TRIM2: variants seen among roughly 807,000 people sequenced by gnomAD.
The protein encoded by TRIM2 is tripartite motif containing 2, also known as tripartite motif-containing protein 2.
In TRIM2, 20 loss-of-function variants were observed where a neutral mutation model predicts 75.2. That is an observed-to-expected ratio of 0.27 (90% confidence interval 0.19 to 0.39). TRIM2 has a LOEUF of 0.39. TRIM2 is among the 10% of genes least tolerant of loss of function. The pLI is 1.00. For missense variants in TRIM2, 660 were observed against 990.8 expected (o/e 0.67, Z 4.48); for synonymous variants, 373 against 388.3 (o/e 0.96, Z 0.46).
chr4:153,288,528 G>A (rs1761164803), intron 3 of TRIM2, among the ~76,000 whole-genome samples: 1 of 152,092 alleles, frequency 6.6e-6, no homozygotes, highest in African/African-American at 2.4e-5. Flanking sequence ...CTTTGTTTTT[G>A]TCTTTTTATG....
chr4:153,296,865 A>G (rs1250966049), intron 6 of TRIM2, among the ~76,000 whole-genome samples: 1 of 152,218 alleles, frequency 6.6e-6, no homozygotes, highest in Non-Finnish European at 1.5e-5. Context: ...TCCCTCTTCC[A>G]TTTAACAATG....
chr4:153,237,089 T>C (rs766189279), intron 1 of TRIM2, among the ~76,000 whole-genome samples: 55 of 152,188 alleles, frequency 3.6e-4, no homozygotes, highest in Non-Finnish European at 8.8e-5. Context: ...ACAAATAGAA[T>C]TGAAAATCAG....
chr4:153,200,433 T>C (rs79228180), upstream of TRIM2, among the ~76,000 whole-genome samples: 5,646 of 152,294 alleles, frequency 0.037, 282 homozygotes, highest in African/African-American at 0.12. Flanking sequence ...CCATTCATCT[T>C]TTGATGGACA....
intron 1 of TRIM2, among the ~76,000 whole-genome samples, chr4:153,217,192 A>G (rs1463810578): frequency 6.6e-6 from 1 of 152,166 alleles, no homozygotes. Flanking sequence ...GGGACCCTAG[A>G]CATAAAGAAG....
intron 6 of TRIM2, among the ~76,000 whole-genome samples, chr4:153,305,352 A>G (rs1764750954): frequency 6.6e-6 from 1 of 152,250 alleles, no homozygotes; most frequent in South Asian, 2.1e-4. Flanking sequence ...AATAGTGTCC[A>G]GTACATTTTA....
intron 11 of TRIM2, among the ~76,000 whole-genome samples, chr4:153,332,645 CAAA>C (rs796430920): frequency 1.1e-5 from 1 of 90,072 alleles, no homozygotes. Flanking sequence ...AATTTCGTCT[CAAA>C]AAAAAAAAAA....
At chr4:153,307,750 C>T in intron 6 of TRIM2, 1 of 660,240 alleles carries the variant, frequency 1.5e-6, no homozygotes, top group East Asian at 3.1e-5. Flanking sequence ...GACGCTCGTG[C>T]TGTGTCGGAC....
chr4:153,208,096 G>C (rs1735968056), intron 1 of TRIM2, among the ~76,000 whole-genome samples: 1 of 152,126 alleles, frequency 6.6e-6, no homozygotes, highest in Non-Finnish European at 1.5e-5. Flanking sequence ...AAAAGTTCAA[G>C]ACCAGCCTGG....
At chr4:153,330,605 A>C (rs1771248606) in intron 11 of TRIM2, among the ~76,000 whole-genome samples, 1 of 152,188 alleles carries the variant, frequency 6.6e-6, no homozygotes, top group Non-Finnish European at 1.5e-5. Context: ...ACCATAGTAA[A>C]ATTCTAAAGA....
intron 1 of TRIM2, among the ~76,000 whole-genome samples, chr4:153,264,636 C>T (rs1035100291): frequency 2.6e-5 from 4 of 152,184 alleles, no homozygotes; most frequent in Admixed American, 2.0e-4. Context: ...AGTGCCCCAA[C>T]GCTTTGATTG....
At chr4:153,311,633 G>A (rs747159072) in intron 6 of TRIM2, among the ~76,000 whole-genome samples, 3 of 151,530 alleles carry the variant, frequency 2.0e-5, no homozygotes, top group Non-Finnish European at 4.4e-5. Context: ...AATAGCCTGG[G>A]TTTTATATAG....
Position 153,339,257 on chromosome 4 carries a change from A to G in TRIM2, c.*4291A>G. 1 of 918,068 alleles carries G rather than the reference A, an allele frequency of 1.1e-6. No individual in the cohort carries two copies. The highest frequency in any genetic ancestry group is 1.3e-6 in the Non-Finnish European group (1 of 768,258). The allele number at this position is 918,068 out of a possible 1,614,324, so 56.9% of individuals were successfully genotyped here. ...TTGAAACATAGGAGAAACAGGATTC[A>G]TGTGTATCTCTTTACCATGCACAAA... On this transcript the variant is annotated 3_prime_UTR_variant, in exon 12 of 12. Coordinates refer to ENST00000338700, the MANE Select transcript of TRIM2 (RefSeq NM_015271.5).
At chr4:153,244,168 CTT>C (rs1747580480) in intron 1 of TRIM2, among the ~76,000 whole-genome samples, 1 of 146,182 alleles carries the variant, frequency 6.8e-6, no homozygotes, top group African/African-American at 2.7e-5. Flanking sequence ...TCTTCTTCTT[CTT>C]CTTCTTCTTC....
chr4:153,191,332 G>C (rs950983692), intron 1 of TRIM2, among the ~76,000 whole-genome samples: 1 of 152,242 alleles, frequency 6.6e-6, no homozygotes, highest in Non-Finnish European at 1.5e-5. Flanking sequence ...TATTGGCTTA[G>C]CTTGGATTAA....
intron 1 of TRIM2, among the ~76,000 whole-genome samples, chr4:153,263,043 A>G (rs977410982): frequency 2.0e-5 from 3 of 152,206 alleles, no homozygotes; most frequent in Non-Finnish European, 4.4e-5. Flanking sequence ...AGACTATCAC[A>G]TGGGAGGCTG....
chr4:153,177,818 C>T (rs926400467), intron 1 of TRIM2, among the ~76,000 whole-genome samples: 4 of 150,246 alleles, frequency 2.7e-5, no homozygotes, highest in African/African-American at 9.8e-5. Flanking sequence ...TCCTCTCTTC[C>T]TTGATGGAGT....
intron 1 of TRIM2, among the ~76,000 whole-genome samples, chr4:153,257,009 G>A (rs1012236102): frequency 1.3e-5 from 2 of 152,204 alleles, no homozygotes; most frequent in Non-Finnish European, 2.9e-5. Context: ...TTTCTAACGA[G>A]CAAGTGTGTG....
chr4:153,201,764 T>C (rs1579493866), upstream of TRIM2, among the ~76,000 whole-genome samples: 1 of 152,324 alleles, frequency 6.6e-6, no homozygotes, highest in East Asian at 1.9e-4. Context: ...TTTTTTCTTT[T>C]GGCTGCTCAT....
rs73854658 is a variant in TRIM2, at chr4:153,336,135, C to T, written c.*1169C>T. The T allele has an allele frequency of 1.2e-4, 78 of 656,342 alleles. No homozygotes were observed. In the East Asian group the frequency reaches 7.5e-3, roughly 63 times the overall value. The allele number at this position is 656,342 out of a possible 1,614,324, so 40.7% of individuals were successfully genotyped here. A position where few individuals can be genotyped will look rare whatever the true frequency, so the allele number is the denominator to read the frequency against. ...AATGTATTATATATATATATATATA[C>T]ACACACACATATATATAGCTGAATC... On this transcript the variant is annotated 3_prime_UTR_variant, in exon 12 of 12. Coordinates refer to ENST00000338700, the MANE Select transcript of TRIM2 (RefSeq NM_015271.5).
Sources: gnomAD v4.1 joint callset for allele counts (sites outside exome capture counted in the v4.1 genomes callset) on GRCh38, gnomAD v4.1.1 for gene constraint, MANE v1.5 for transcripts, NCBI Gene and HGNC (gene_info 2026-07-23, HGNC 2026-07-21) for gene names.